The following LYAR variants were observed in gnomAD, a reference collection of about 807,000 sequenced individuals.
LYAR encodes the protein Ly1 antibody reactive.
A neutral mutation model predicts 45.2 loss-of-function variants in LYAR; 37 were observed. The ratio of observed to expected loss-of-function variants is 0.82; its 90% CI spans 0.63 to 1.08. LYAR has a LOEUF of 1.08. LYAR is among the 50% of genes least tolerant of loss of function. The pLI, the probability that LYAR is intolerant of heterozygous loss-of-function variation, is 0.00. For missense variants in LYAR, 493 were observed against 451.0 expected, an observed-to-expected ratio of 1.09 and a Z score of -0.84; for synonymous variants, 176 against 155.1, an observed-to-expected ratio of 1.14 and a Z score of -1.00.
chr4:4,283,714 C>A lies in LYAR; in HGVS notation c.29G>T (p.Gly10Val). MVFFTCNAC[G>V]ESVKKIQVEK... The stretch of plus-strand genomic sequence containing the variant: ...CACTTGTATTTTCTTCACTGATTCA[C>A]CACATGCATTGCATGTAAAAAATAC... Residue 10 changes from glycine to valine, a missense_variant, in exon 3 of 10, where the codon GGT becomes GTT. Coordinates refer to ENST00000343470, the MANE Select transcript of LYAR (RefSeq NM_017816.3). 6.2e-7 allele frequency: 1 copy of A among 1,611,912 alleles called. No individual in the cohort carries two copies.
At chr4:4,283,877 T>C (rs1719500748) in intron 2 of LYAR, 82 bp from the exon 3 acceptor site, 8 of 606,638 alleles carry the variant, frequency 1.3e-5, no homozygotes, top group Non-Finnish European at 2.2e-5. Flanking sequence ...TTTTCAACCA[T>C]AATTTCACAT....
At position 4,278,178 on chromosome 4, in the gene LYAR, A is replaced by G. The variant is rs78069632; in HGVS notation, c.429+1269T>C. Among the ~76,000 whole-genome samples the G allele has an allele frequency of 1.4e-4, 22 of 152,312 alleles. No individual in the cohort carries two copies. In the East Asian group the frequency reaches 4.2e-3, roughly 29 times the overall value. ...TCGGTTATACGGTTTCAAAGGGCCA[A>G]TTTGTACCTTCTGAAAGAGACAAAC... On this transcript the variant is annotated intron_variant, in intron 6 of 9. Transcript: ENST00000343470.
chr4:4,275,092 G>A (rs941679601), intron 6 of LYAR, among the ~76,000 whole-genome samples: 7 of 152,200 alleles, frequency 4.6e-5, no homozygotes, highest in Non-Finnish European at 1.0e-4. Context: ...TAAGAGAAGA[G>A]TACTTAGGGG....
chr4:4,282,320 G>T (rs886094505), intron 3 of LYAR, among the ~76,000 whole-genome samples: 1 of 152,064 alleles, frequency 6.6e-6, no homozygotes. Flanking sequence ...GCAGCATGAG[G>T]TTACCAACAG....
In LYAR at chr4:4,267,799, T is replaced by G. The variant is rs1718772479; in HGVS notation, c.*90A>C. 1.8e-6 allele frequency: 2 copies of G among 1,131,410 alleles called. No individual in the cohort carries two copies. Among genetic ancestry groups the G allele is most frequent in the South Asian group, 5.7e-5 (2 of 35,384 alleles). The allele number at this position is 1,131,410 out of a possible 1,614,324, so 70.1% of individuals were successfully genotyped here. On this transcript the variant is annotated 3_prime_UTR_variant, in exon 10 of 10. Transcript: ENST00000343470. ...AAAATACAGCTTCAAAAAGCAAAAT[T>G]TGAGTTGTTAGAATTCATTACACAT... is the stretch of plus-strand genomic sequence containing the variant.
chr4:4,274,716 T>C lies in LYAR; in HGVS notation c.483A>G (p.Pro161=), dbSNP rs1719107994. ...DQRPLHPVAN[P]HAEISTKVPA... is the part of the protein sequence containing the mutation. Reference sequence around the variant, plus strand: ...GAACCTTGGTGGAGATTTCTGCATGTGGATTTGCCACTGGGTGGAGTGGCC... The same window carrying C: ...GAACCTTGGTGGAGATTTCTGCATGCGGATTTGCCACTGGGTGGAGTGGCC... Residue 161 remains proline (P), a synonymous_variant, in exon 7 of 10, where the codon CCA becomes CCG. Transcript: ENST00000343470. The C allele has an allele frequency of 6.2e-7, 1 of 1,613,402 alleles. No homozygotes were observed. Among genetic ancestry groups the C allele is most frequent in the South Asian group, 1.1e-5 (1 of 90,784 alleles).
chr4:4,279,596 C>T (rs1345228748), intron 5 of LYAR, 46 bp downstream of exon 5: 2 of 1,569,396 alleles, frequency 1.3e-6, no homozygotes, highest in Non-Finnish European at 1.8e-6. Flanking sequence ...AGCTCAGTCA[C>T]TGATGGGCCA....
chr4:4,289,774 G>A (rs1160940338), intron 1 of LYAR: 1 of 152,268 alleles, frequency 6.6e-6, no homozygotes, highest in Non-Finnish European at 1.5e-5. Context: ...CTGAAGCCCA[G>A]TCGGGCGGTG....
At chr4:4,279,317 G>T in intron 6 of LYAR, 130 bp downstream of exon 6, 1 of 657,060 alleles carries the variant, frequency 1.5e-6, no homozygotes, top group Non-Finnish European at 2.6e-6. Context: ...GGGCAACAGA[G>T]TAAGACTCCA....
chr4:4,267,826 T>C lies in LYAR; in HGVS notation c.*63A>G. On this transcript the variant is annotated 3_prime_UTR_variant, in exon 10 of 10. Coordinates refer to ENST00000343470, the MANE Select transcript of LYAR (RefSeq NM_017816.3). ...GAGTTGTTAGAATTCATTACACATT[T>C]TATAAACAGCAGTGAAAGGAAGAAG... The C allele has an allele frequency of 7.4e-7, 1 of 1,358,842 alleles. No individual in the cohort carries two copies. Among genetic ancestry groups the C allele is most frequent in the Non-Finnish European group, 9.7e-7 (1 of 1,028,984 alleles). 84.2% of individuals were successfully genotyped at this position (1,358,842 alleles called of 1,614,324 possible). A position where few individuals can be genotyped will look rare whatever the true frequency, so the allele number is the denominator to read the frequency against.
intron 2 of LYAR, among the ~76,000 whole-genome samples, chr4:4,284,686 G>C (rs1719536837): frequency 1.4e-5 from 2 of 147,192 alleles, no homozygotes; most frequent in African/African-American, 5.1e-5. Context: ...AATTCGTCTA[G>C]AAGTGTTAGA....
intron 8 of LYAR, among the ~76,000 whole-genome samples, chr4:4,272,095 G>A (rs1427674768): frequency 6.6e-6 from 1 of 152,206 alleles, no homozygotes; most frequent in Non-Finnish European, 1.5e-5. Context: ...GAGGGAAGTG[G>A]CTGTGGCTAC....
At chr4:4,274,067 T>C (rs1719068233) in intron 7 of LYAR, among the ~76,000 whole-genome samples, 1 of 151,996 alleles carries the variant, frequency 6.6e-6, no homozygotes, top group African/African-American at 2.4e-5. Context: ...CGAAACCCCA[T>C]CTCTACTAAA....
At chr4:4,283,919 C>T in intron 2 of LYAR, 124 bp from the exon 3 acceptor site, 2 of 540,720 alleles carry the variant, frequency 3.7e-6, no homozygotes, top group Non-Finnish European at 6.5e-6. Context: ...GATTAGCAAT[C>T]TACATAAAAT....
At position 4,269,356 on chromosome 4, in the gene LYAR, C is replaced by T. The variant is rs1053611704; in HGVS notation, c.920-741G>A. Among the ~76,000 whole-genome samples the T allele has an allele frequency of 2.0e-5, 3 of 152,212 alleles. No homozygotes were observed. The East Asian group carries it at 5.8e-4, about 29-fold the overall frequency. ...TAATAACAACCCTACTGCAGCCACA[C>T]ATCACAGAAAAAACGGTGGCTCCAC... On this transcript the variant is annotated intron_variant, in intron 8 of 9. Transcript: ENST00000343470.
intron 2 of LYAR, among the ~76,000 whole-genome samples, chr4:4,285,165 C>T (rs1719556570): frequency 6.6e-6 from 1 of 152,200 alleles, no homozygotes; most frequent in African/African-American, 2.4e-5. Context: ...TACATACAAA[C>T]CACAGACCCC....
Position 4,279,724 on chromosome 4 carries a change from G to C in LYAR, c.263C>G (p.Pro88Arg), listed in dbSNP as rs1343163358. Residue 88 changes from proline to arginine, a missense_variant, in exon 5 of 10, where the codon CCC becomes CGC. Physicochemically the swap from Pro to Arg is moderately radical, Grantham distance 103. Coordinates refer to ENST00000343470, the MANE Select transcript of LYAR (RefSeq NM_017816.3). ...IQKISELIKR[P>R]NVSPKVRELL... ...TTCTCTCACTTTGGGGCTGACATTG[G>C]GTCTCTTTATTAATTCACTAATTTT... 6.8e-6 allele frequency: 11 copies of C among 1,610,380 alleles called. No homozygotes were observed. The highest frequency in any genetic ancestry group is 9.3e-6 in the Non-Finnish European group (11 of 1,177,846).
At position 4,279,503 on chromosome 4, in the gene LYAR, G is replaced by A. The variant is rs139908100; in HGVS notation, c.373C>T (p.His125Tyr). 487 of 1,612,506 alleles carry A rather than the reference G, an allele frequency of 3.0e-4. No homozygotes were observed. In the African/African-American group the frequency reaches 6.1e-3, roughly 20 times the overall value. ...ACCTGGTCCAGAATGGATTCATTAT[G>A]AACTTTTAAACTGTTCTTCATCCAA... ...QNWMKNSLKVHNESILDQVWN... is the reference protein window; with the variant it reads ...QNWMKNSLKVYNESILDQVWN... Residue 125 changes from histidine (H) to tyrosine (Y), a missense_variant, in exon 6 of 10, where the codon CAT (histidine) becomes TAT (tyrosine). Transcript: ENST00000343470.
chr4:4,273,091 G>C (rs970720485), intron 8 of LYAR, among the ~76,000 whole-genome samples: 1 of 152,182 alleles, frequency 6.6e-6, no homozygotes. Context: ...ACTTCTAAGA[G>C]AACAGTGAAA....
Sources: gnomAD v4.1 joint callset for allele counts (sites outside exome capture counted in the v4.1 genomes callset) on GRCh38, gnomAD v4.1.1 for gene constraint, MANE v1.5 for transcripts, NCBI Gene and HGNC (gene_info 2026-07-23, HGNC 2026-07-21) for gene names.